OTOG: variants seen among roughly 807,000 people sequenced by gnomAD.
OTOG encodes the protein otogelin.
A neutral mutation model predicts 313.8 loss-of-function variants in OTOG; 296 were observed. That is an observed-to-expected ratio of 0.94 (90% CI 0.86 to 1.04). The LOEUF is 1.04. Among genes scored for constraint, OTOG ranks in the 50% least tolerant of loss-of-function variants. The pLI is 0.00. For synonymous variants in OTOG, 1,533 were observed against 1,554.9 expected (o/e 0.99, Z 0.33); for missense variants, 3,948 against 3,840.1 (o/e 1.03, Z -0.74).
In OTOG at chr11:17,578,408, T is replaced by G; in HGVS notation, c.2641T>G (p.Cys881Gly). 1.3e-6 allele frequency: 2 copies of G among 1,537,658 alleles called. No individual in the cohort carries two copies. The highest frequency in any genetic ancestry group is 1.7e-6 in the Non-Finnish European group (2 of 1,144,994). ...ACPAGQVFVNCSDLHTDLELS... is the reference protein window; with the variant it reads ...ACPAGQVFVNGSDLHTDLELS... ...CCCAGCAGGCCAGGTCTTCGTGAAC[T>G]GCAGCGACCTGCACACGGACCTGGA... Residue 881 changes from cysteine (C) to glycine (G), a missense_variant, in exon 23 of 56, where the codon TGC becomes GGC. Coordinates refer to ENST00000399397, the MANE Select transcript of OTOG (RefSeq NM_001292063.2).
In OTOG at chr11:17,557,152, C is replaced by A. The variant is rs1360015725; in HGVS notation, c.694C>A (p.Leu232Met). 6.4e-7 allele frequency: 1 copy of A among 1,550,434 alleles called. No individual in the cohort carries two copies. Among genetic ancestry groups the A allele is most frequent in the African/African-American group, 1.4e-5 (1 of 73,026 alleles). ...QLPHVMGSAR[L>M]QQLAGYVIVR... is the part of the protein sequence containing the mutation. Reference sequence around the variant, plus strand: ...GCCACATGTCATGGGGAGCGCGCGTCTGCAGCAGCTTGCCGGCTATGTCAT... The same window carrying A: ...GCCACATGTCATGGGGAGCGCGCGTATGCAGCAGCTTGCCGGCTATGTCAT... The change falls in exon 8 of 56, where the codon CTG (leucine) becomes ATG (methionine). Residue 232 changes from leucine (L) to methionine (M), a missense_variant. By Grantham distance (15) the Leu-to-Met change is conservative. Coordinates refer to ENST00000399397, the MANE Select transcript of OTOG (RefSeq NM_001292063.2).
intron 39 of OTOG, among the ~76,000 whole-genome samples, chr11:17,615,935 A>T (rs113180565): frequency 2.3e-3 from 351 of 152,302 alleles, no homozygotes; most frequent in African/African-American, 8.0e-3. Context: ...TCAAAAAAAA[A>T]AATTAATGTT....
intron 33 of OTOG, among the ~76,000 whole-genome samples, chr11:17,606,370 C>T (rs1334012174): frequency 6.6e-6 from 1 of 152,270 alleles, no homozygotes; most frequent in African/African-American, 2.4e-5. Context: ...TGGGTCCTGC[C>T]TTCTGCCACA....
chr11:17,608,987 G>A (rs1853457844), intron 34 of OTOG, 143 bp from the exon 35 acceptor site: 4 of 660,604 alleles, frequency 6.1e-6, no homozygotes, highest in Non-Finnish European at 1.1e-5. Flanking sequence ...TCTATGGAGG[G>A]TCATGTGTGT....
At chr11:17,632,662 C>T (rs1164933101) in intron 42 of OTOG, among the ~76,000 whole-genome samples, 2 of 152,058 alleles carry the variant, frequency 1.3e-5, no homozygotes, top group Admixed American at 6.5e-5. Context: ...TTTTTGCTCA[C>T]GTTTCTCTTC....
At chr11:17,570,513 G>C in intron 17 of OTOG, 123 bp downstream of exon 17, 1 of 890,866 alleles carries the variant, frequency 1.1e-6, no homozygotes, top group Non-Finnish European at 1.7e-6. Flanking sequence ...TGCACCATTA[G>C]TTATTGATTT....
intron 30 of OTOG, among the ~76,000 whole-genome samples, chr11:17,597,618 A>G (rs1219943042): frequency 6.6e-6 from 1 of 152,276 alleles, no homozygotes; most frequent in African/African-American, 2.4e-5. Context: ...ATGCGTACAT[A>G]GATATGCATC....
chr11:17,570,625 C>T, intron 17 of OTOG: 1 of 420,778 alleles, frequency 2.4e-6, no homozygotes, highest in Non-Finnish European at 4.2e-6. Context: ...TTCCTGAGTC[C>T]CGCTCCCCAG....
At chr11:17,562,370 C>T (rs1378112652) in intron 15 of OTOG, among the ~76,000 whole-genome samples, 1 of 151,716 alleles carries the variant, frequency 6.6e-6, no homozygotes, top group Non-Finnish European at 1.5e-5. Flanking sequence ...TTATATTCCA[C>T]AATTTTTGAA....
At position 17,634,267 on chromosome 11, in the gene OTOG, T is replaced by C; in HGVS notation, c.7466T>C (p.Leu2489Pro). ...LLLPTKDPCCLGTVCVCNQTL... is the reference protein window; with the variant it reads ...LLLPTKDPCCPGTVCVCNQTL... Reference sequence around the variant, plus strand: ...CTACCCACCAAGGACCCCTGCTGCCTGGGGACTGTCTGTGGTGAGTGTCCA... The same window carrying C: ...CTACCCACCAAGGACCCCTGCTGCCCGGGGACTGTCTGTGGTGAGTGTCCA... The change falls in exon 44 of 56, where the codon CTG (leucine) becomes CCG (proline). Residue 2489 changes from leucine (L) to proline (P), a missense_variant. Physicochemically the swap from Leu to Pro is moderately conservative, Grantham distance 98. Coordinates refer to ENST00000399397, the MANE Select transcript of OTOG (RefSeq NM_001292063.2). The C allele has an allele frequency of 1.9e-6, 3 of 1,550,376 alleles. No homozygotes were observed. The highest frequency in any genetic ancestry group is 2.6e-6 in the Non-Finnish European group (3 of 1,146,818).
chr11:17,577,383 A>G (rs1419360551), intron 22 of OTOG, among the ~76,000 whole-genome samples: 12 of 66,876 alleles, frequency 1.8e-4, no homozygotes, highest in South Asian at 4.4e-4. Flanking sequence ...TGGTCGTGGG[A>G]TGGGGGTCAA....
intron 28 of OTOG, 102 bp from the exon 29 acceptor site, chr11:17,595,936 A>T: frequency 2.6e-6 from 2 of 778,006 alleles, no homozygotes; most frequent in Non-Finnish European, 4.4e-6. Context: ...CCTGAATATC[A>T]GGGGGCAAGG....
chr11:17,621,309 G>T (rs551664482), intron 39 of OTOG, among the ~76,000 whole-genome samples: 1 of 152,310 alleles, frequency 6.6e-6, no homozygotes, highest in South Asian at 2.1e-4. Context: ...TAAAGCCAAA[G>T]TAGCCTTTAT....
At chr11:17,644,187 G>A (rs1367415414) in intron 54 of OTOG, among the ~76,000 whole-genome samples, 2 of 152,256 alleles carry the variant, frequency 1.3e-5, no homozygotes, top group Non-Finnish European at 2.9e-5. Flanking sequence ...AGCAGGGCCC[G>A]CTCACCTGGC....
At chr11:17,605,748 G>A in intron 32 of OTOG, 109 bp from the exon 33 acceptor site, 7 of 1,245,278 alleles carry the variant, frequency 5.6e-6, no homozygotes, top group Non-Finnish European at 7.7e-6. Context: ...TGGTCTGCAG[G>A]CGTGCTGCCA....
chr11:17,637,109 C>T (rs1854284798), intron 47 of OTOG, among the ~76,000 whole-genome samples: 1 of 152,194 alleles, frequency 6.6e-6, no homozygotes, highest in South Asian at 2.1e-4. Context: ...ATACCACCTT[C>T]CTACCTGCTA....
intron 47 of OTOG, among the ~76,000 whole-genome samples, chr11:17,636,920 G>A (rs947763551): frequency 6.6e-6 from 1 of 152,034 alleles, no homozygotes; most frequent in Non-Finnish European, 1.5e-5. Flanking sequence ...GGCTGTTGTG[G>A]AAATTAGAGA....
intron 23 of OTOG, among the ~76,000 whole-genome samples, chr11:17,584,180 A>T (rs1335393303): frequency 3.3e-5 from 5 of 152,192 alleles, no homozygotes; most frequent in Admixed American, 3.3e-4. Flanking sequence ...AAATTCATTT[A>T]TGAGTTCTAG....
At chr11:17,643,625 C>A in intron 54 of OTOG, 119 bp downstream of exon 54, 1 of 677,258 alleles carries the variant, frequency 1.5e-6, no homozygotes, top group Non-Finnish European at 2.2e-6. Context: ...CTCTTCTGGG[C>A]TGAGTAGATG....
Sources: gnomAD v4.1 joint callset for allele counts (sites outside exome capture counted in the v4.1 genomes callset) on GRCh38, gnomAD v4.1.1 for gene constraint, MANE v1.5 for transcripts, NCBI Gene and HGNC (gene_info 2026-07-23, HGNC 2026-07-21) for gene names.